PDE7B: variants seen among roughly 807,000 people sequenced by gnomAD.
PDE7B encodes 3',5'-cyclic-AMP phosphodiesterase 7B.
In PDE7B, 29 loss-of-function variants were observed where a neutral mutation model predicts 56.2. The ratio of observed to expected loss-of-function variants is 0.52; its 90% CI spans 0.38 to 0.70. PDE7B has a LOEUF of 0.70. Among genes scored for constraint, PDE7B ranks in the 30% least tolerant of loss-of-function variants. The pLI is 0.00. For missense variants in PDE7B, 490 were observed against 565.0 expected, an observed-to-expected ratio of 0.87 and a Z score of 1.35; for synonymous variants, 197 against 196.9, an observed-to-expected ratio of 1.00 and a Z score of 0.00.
Position 135,949,295 on chromosome 6 carries a change from G to T in PDE7B, c.82+1771G>T, listed in dbSNP as rs532217553. The stretch of plus-strand genomic sequence containing the variant: ...GTCTTCCATGTAAGTTGATTGATTA[G>T]TTTATAGCTAGAACAGTAAGAGACT... On this transcript the variant is annotated intron_variant, in intron 2 of 12. Transcript: ENST00000308191. Among the ~76,000 whole-genome samples the T allele has an allele frequency of 2.0e-5, 3 of 152,086 alleles. No individual in the cohort carries two copies. In the South Asian group the frequency reaches 6.2e-4, roughly 32 times the overall value.
intron 2 of PDE7B, 110 bp from the exon 3 acceptor site, chr6:136,108,621 A>G: frequency 1.3e-6 from 1 of 762,544 alleles, no homozygotes; most frequent in South Asian, 1.4e-5. Flanking sequence ...GGTGAATGGG[A>G]ACCATTTTTC....
chr6:135,975,310 T>A (rs1390293215), intron 2 of PDE7B, among the ~76,000 whole-genome samples: 1 of 152,158 alleles, frequency 6.6e-6, no homozygotes, highest in Non-Finnish European at 1.5e-5. Flanking sequence ...GGGTTCTCAG[T>A]GGGGAAGAAA....
chr6:136,081,456 G>C (rs562598105), intron 2 of PDE7B, among the ~76,000 whole-genome samples: 1 of 152,330 alleles, frequency 6.6e-6, no homozygotes, highest in South Asian at 2.1e-4. Context: ...AGATTTGTTT[G>C]TTGGGGGGAT....
chr6:136,135,298 CT>C (rs1778193076), intron 3 of PDE7B, among the ~76,000 whole-genome samples: 1 of 151,898 alleles, frequency 6.6e-6, no homozygotes, highest in Non-Finnish European at 1.5e-5. Flanking sequence ...CCCTTTCTTA[CT>C]TTTTTCCTCT....
chr6:136,051,047 C>T (rs968810679), intron 2 of PDE7B, among the ~76,000 whole-genome samples: 7 of 149,574 alleles, frequency 4.7e-5, no homozygotes, highest in African/African-American at 1.7e-4. Context: ...AGCAATAGAC[C>T]TTGTTCCATT....
At chr6:136,134,844 C>T (rs547452006) in intron 3 of PDE7B, among the ~76,000 whole-genome samples, 4 of 151,618 alleles carry the variant, frequency 2.6e-5, no homozygotes, top group African/African-American at 4.8e-5. Context: ...CACCTACAAG[C>T]GATGCAGCAG....
rs537016796 is a variant in PDE7B at position 136,007,835 on chromosome 6, C to CT, written c.82+60321dup. Reference sequence around the variant, plus strand: ...GGTAGCATCCTCTTTGTCATTTCTTCTTTTTTTTTTATTATACTTTAAGTT... The same window carrying CT: ...GGTAGCATCCTCTTTGTCATTTCTTCTTTTTTTTTTTATTATACTTTAAGTT... On this transcript the variant is annotated intron_variant, in intron 2 of 12. Coordinates refer to ENST00000308191, the MANE Select transcript of PDE7B (RefSeq NM_018945.4). Among the ~76,000 whole-genome samples, 286 of 145,738 alleles carry CT rather than the reference C, an allele frequency of 2.0e-3. 1 individual carries two copies. Among genetic ancestry groups the CT allele is most frequent in the East Asian group, 3.8e-3 (19 of 4,968 alleles).
At chr6:135,980,986 T>G (rs1775283873) in intron 2 of PDE7B, among the ~76,000 whole-genome samples, 2 of 149,392 alleles carry the variant, frequency 1.3e-5, no homozygotes, top group Admixed American at 6.7e-5. Context: ...CATGCACACG[T>G]ATGTTTATTG....
chr6:135,985,327 G>A (rs1045245972), intron 2 of PDE7B, among the ~76,000 whole-genome samples: 3 of 152,156 alleles, frequency 2.0e-5, no homozygotes, highest in African/African-American at 7.2e-5. Context: ...CAGGCCCCTG[G>A]GATGCAGCTT....
rs1472001952 is a variant in PDE7B, at chr6:136,191,861, C to G, written c.*21C>G. On this transcript the variant is annotated 3_prime_UTR_variant, in exon 13 of 13. Transcript: ENST00000308191. Reference sequence around the variant, plus strand: ...CCTAGGGGCCGGCCCAACTTAGACGCGGCTCTCCTCCGGCAGGGCCCCCAG... The same window carrying G: ...CCTAGGGGCCGGCCCAACTTAGACGGGGCTCTCCTCCGGCAGGGCCCCCAG... 6.5e-7 allele frequency: 1 copy of G among 1,529,914 alleles called. No individual in the cohort carries two copies. Among genetic ancestry groups the G allele is most frequent in the African/African-American group, 1.4e-5 (1 of 72,670 alleles). The allele number at this position is 1,529,914 out of a possible 1,614,324, so 94.8% of individuals were successfully genotyped here. A position where few individuals can be genotyped will look rare whatever the true frequency, so the allele number is the denominator to read the frequency against.
At chr6:136,139,284 A>G (rs900438964) in intron 3 of PDE7B, among the ~76,000 whole-genome samples, 2 of 152,102 alleles carry the variant, frequency 1.3e-5, no homozygotes, top group African/African-American at 4.8e-5. Context: ...CCATGTCCCT[A>G]CAAAGGACAT....
chr6:136,060,249 C>T (rs774151833), intron 2 of PDE7B, among the ~76,000 whole-genome samples: 1 of 152,152 alleles, frequency 6.6e-6, no homozygotes, highest in Non-Finnish European at 1.5e-5. Context: ...TCACCCTGTT[C>T]CTGACCTTAT....
rs538870212 is a variant in PDE7B, at chr6:135,957,127, C to A, written c.82+9603C>A. ...AAGATGGTCCCCGTGGGCGAGGAAG[C>A]ATGGAGATAGAGACAGGTGTGCCTG... is the stretch of plus-strand genomic sequence containing the variant. On this transcript the variant is annotated intron_variant, in intron 2 of 12. Coordinates refer to ENST00000308191, the MANE Select transcript of PDE7B (RefSeq NM_018945.4). Among the ~76,000 whole-genome samples the A allele has an allele frequency of 4.1e-4, 63 of 152,216 alleles. 1 individual carries two copies. Among genetic ancestry groups the A allele is most frequent in the African/African-American group, 1.4e-3 (58 of 41,540 alleles).
At chr6:136,112,274 T>C (rs961794541) in intron 3 of PDE7B, among the ~76,000 whole-genome samples, 1 of 152,228 alleles carries the variant, frequency 6.6e-6, no homozygotes, top group Non-Finnish European at 1.5e-5. Flanking sequence ...TTCTAGGCGT[T>C]AAAATGGATA....
intron 2 of PDE7B, among the ~76,000 whole-genome samples, chr6:135,981,706 A>G (rs1775300091): frequency 6.6e-6 from 1 of 150,782 alleles, no homozygotes; most frequent in African/African-American, 2.4e-5. Context: ...TCCTACTATA[A>G]CAATGCCTTC....
intron 11 of PDE7B, among the ~76,000 whole-genome samples, chr6:136,186,011 A>G (rs1047100162): frequency 3.3e-5 from 5 of 151,994 alleles, no homozygotes; most frequent in African/African-American, 9.7e-5. Flanking sequence ...TTCTCCTTTG[A>G]TCTTCTATTA....
chr6:136,033,827 C>A (rs983651112), intron 2 of PDE7B, among the ~76,000 whole-genome samples: 3 of 151,702 alleles, frequency 2.0e-5, no homozygotes, highest in African/African-American at 7.3e-5. Context: ...TACTTCCCTG[C>A]TCATTTTGAA....
intron 2 of PDE7B, among the ~76,000 whole-genome samples, chr6:136,101,223 CTCTT>C (rs1777556213): frequency 6.6e-6 from 1 of 152,146 alleles, no homozygotes; most frequent in Non-Finnish European, 1.5e-5. Flanking sequence ...GTCCAAAATT[CTCTT>C]TTTTTGTTGT....
intron 2 of PDE7B, chr6:136,038,499 A>G: frequency 1.6e-6 from 2 of 1,288,050 alleles, no homozygotes. Context: ...GGCATTCTGG[A>G]CAATGAAGAT....
Sources: allele counts gnomAD v4.1 joint callset (sites outside exome capture counted in the v4.1 genomes callset), GRCh38; gene constraint gnomAD v4.1.1; transcripts MANE v1.5; gene names NCBI Gene and HGNC (gene_info 2026-07-23, HGNC 2026-07-21).